SLX4IP: variants seen among roughly 807,000 people sequenced by gnomAD.
The protein encoded by SLX4IP is protein SLX4IP.
Under a neutral mutation model 32.9 loss-of-function variants are expected in SLX4IP, and 34 were observed. The ratio of observed to expected loss-of-function variants is 1.03; its 90% CI spans 0.79 to 1.38. The LOEUF (loss-of-function observed/expected upper bound fraction) is 1.38. SLX4IP is among the 40% of genes most tolerant of loss of function. The pLI, the probability that SLX4IP is intolerant of heterozygous loss-of-function variation, is 0.00. For missense variants in SLX4IP, 444 were observed against 479.0 expected (o/e 0.93, Z 0.68); for synonymous variants, 172 against 171.7 (o/e 1.00, Z -0.01).
chr20:10,538,971 A>C (rs934927871), intron 2 of SLX4IP, among the ~76,000 whole-genome samples: 1 of 152,260 alleles, frequency 6.6e-6, no homozygotes, highest in Non-Finnish European at 1.5e-5. Flanking sequence ...TTGAGGACTA[A>C]TGCCCAAGGC....
intron 4 of SLX4IP, among the ~76,000 whole-genome samples, chr20:10,563,167 T>A (rs530774829): frequency 3.3e-5 from 5 of 152,264 alleles, no homozygotes; most frequent in African/African-American, 1.2e-4. Flanking sequence ...ATTAATAACG[T>A]TAAGCAATGT....
chr20:10,570,955 G>A (rs1301715756), intron 4 of SLX4IP, among the ~76,000 whole-genome samples: 3 of 152,100 alleles, frequency 2.0e-5, no homozygotes, highest in East Asian at 1.9e-4. Context: ...TCAGCCTCCC[G>A]AGTAGCTGGG....
At chr20:10,469,418 TA>T (rs1315922279) in intron 2 of SLX4IP, among the ~76,000 whole-genome samples, 1 of 152,196 alleles carries the variant, frequency 6.6e-6, no homozygotes, top group Non-Finnish European at 1.5e-5. Context: ...TCTCTATTAA[TA>T]ATCAAGATGA....
Position 10,549,848 on chromosome 20 carries a change from G to A in SLX4IP, c.28-6383G>A, listed in dbSNP as rs566460248. 2.6e-5 allele frequency among the ~76,000 whole-genome samples: 4 copies of A among 152,262 alleles called. No homozygotes were observed. In the South Asian group the frequency reaches 8.3e-4, roughly 32 times the overall value. Reference sequence around the variant, plus strand: ...CTGGAACATAGGTGCTCTGTAAATGGCAATCAATATTTTAAACTGTGATTG... The same window carrying A: ...CTGGAACATAGGTGCTCTGTAAATGACAATCAATATTTTAAACTGTGATTG... On this transcript the variant is annotated intron_variant, in intron 2 of 7. Coordinates refer to ENST00000334534, the MANE Select transcript of SLX4IP (RefSeq NM_001009608.3).
intron 1 of SLX4IP, among the ~76,000 whole-genome samples, chr20:10,444,783 C>T (rs1309494832): frequency 6.6e-6 from 1 of 152,056 alleles, no homozygotes; most frequent in Non-Finnish European, 1.5e-5. Context: ...GGCACTGGTC[C>T]CATTCATGAG....
chr20:10,544,552 A>AT (rs1174556565), intron 2 of SLX4IP, among the ~76,000 whole-genome samples: 4 of 152,000 alleles, frequency 2.6e-5, no homozygotes, highest in African/African-American at 7.3e-5. Flanking sequence ...TTCCTGGCTA[A>AT]TTTTTTGTAT....
chr20:10,473,881 G>A (rs2065449730), intron 2 of SLX4IP, among the ~76,000 whole-genome samples: 1 of 151,686 alleles, frequency 6.6e-6, no homozygotes, highest in Admixed American at 6.6e-5. Context: ...AGAGTGTGGT[G>A]GCGTGATCTT....
chr20:10,563,445 G>A (rs1298977291), intron 4 of SLX4IP, among the ~76,000 whole-genome samples: 1 of 152,086 alleles, frequency 6.6e-6, no homozygotes, highest in African/African-American at 2.4e-5. Flanking sequence ...TTTATTGCTT[G>A]TGCTTTTGAA....
intron 4 of SLX4IP, among the ~76,000 whole-genome samples, chr20:10,574,630 C>T (rs2066503344): frequency 6.6e-6 from 1 of 151,982 alleles, no homozygotes; most frequent in Non-Finnish European, 1.5e-5. Flanking sequence ...TACCAAATAC[C>T]CCAGGACTCT....
chr20:10,595,440 G>T (rs1039883278), intron 4 of SLX4IP, among the ~76,000 whole-genome samples: 2 of 152,174 alleles, frequency 1.3e-5, no homozygotes, highest in African/African-American at 4.8e-5. Context: ...CAGGTTTTCT[G>T]CATTTAAAAC....
At chr20:10,614,934 C>T (rs903370699) in intron 6 of SLX4IP, among the ~76,000 whole-genome samples, 1 of 152,114 alleles carries the variant, frequency 6.6e-6, no homozygotes, top group Non-Finnish European at 1.5e-5. Context: ...GTTGAAAGTG[C>T]ACACCAGACT....
chr20:10,557,301 A>C (rs1230551712), intron 3 of SLX4IP, among the ~76,000 whole-genome samples: 3 of 152,222 alleles, frequency 2.0e-5, no homozygotes, highest in African/African-American at 7.2e-5. Context: ...TTATAGGATA[A>C]TACATTTTCA....
chr20:10,614,423 A>G (rs964187619), intron 6 of SLX4IP, among the ~76,000 whole-genome samples: 2 of 152,168 alleles, frequency 1.3e-5, no homozygotes, highest in African/African-American at 4.8e-5. Context: ...CAGTATGGCT[A>G]TGAAGGATAC....
intron 2 of SLX4IP, among the ~76,000 whole-genome samples, chr20:10,509,951 A>G (rs1323479338): frequency 6.6e-6 from 1 of 152,170 alleles, no homozygotes; most frequent in Non-Finnish European, 1.5e-5. Flanking sequence ...TGCTGGGATT[A>G]CAGGTGTGAG....
At chr20:10,606,950 G>A (rs2066912912) in intron 6 of SLX4IP, among the ~76,000 whole-genome samples, 2 of 152,082 alleles carry the variant, frequency 1.3e-5, no homozygotes, top group Non-Finnish European at 2.9e-5. Flanking sequence ...GTATGTCAGT[G>A]CTGTATGGTA....
intron 6 of SLX4IP, among the ~76,000 whole-genome samples, chr20:10,615,843 C>T (rs1260917808): frequency 2.0e-5 from 3 of 152,108 alleles, no homozygotes; most frequent in Non-Finnish European, 4.4e-5. Context: ...GGAACAGTGT[C>T]CCCACAAAGT....
At chr20:10,449,127 G>C (rs2065223156) in intron 1 of SLX4IP, among the ~76,000 whole-genome samples, 1 of 152,186 alleles carries the variant, frequency 6.6e-6, no homozygotes, top group Non-Finnish European at 1.5e-5. Context: ...GCCTAGTGCT[G>C]TCATAAACCA....
intron 2 of SLX4IP, among the ~76,000 whole-genome samples, chr20:10,518,467 CCTTTCTTT>C (rs1568720175): frequency 1.6e-4 from 7 of 44,874 alleles, no homozygotes; most frequent in African/African-American, 2.6e-4. Flanking sequence ...TCCTTCCTTT[CCTTTCTTT>C]TCCTTTCCTT....
At chr20:10,545,074 G>C (rs1195261264) in intron 2 of SLX4IP, among the ~76,000 whole-genome samples, 1 of 152,124 alleles carries the variant, frequency 6.6e-6, no homozygotes, top group African/African-American at 2.4e-5. Context: ...CATCAAATCA[G>C]CTTCAGGAGA....
Sources: allele counts gnomAD v4.1 joint callset (sites outside exome capture counted in the v4.1 genomes callset), GRCh38; gene constraint gnomAD v4.1.1; transcripts MANE v1.5; gene names NCBI Gene and HGNC (gene_info 2026-07-23, HGNC 2026-07-21).